The following SMC1B variants were observed in gnomAD, a reference collection of about 807,000 sequenced individuals.
The protein encoded by SMC1B is structural maintenance of chromosomes protein 1B.
A neutral mutation model predicts 157.9 loss-of-function variants in SMC1B; 60 were observed. The observed-to-expected ratio is 0.38, with a 90% confidence interval of 0.31 to 0.47. The LOEUF (loss-of-function observed/expected upper bound fraction) is 0.47, where lower values mean the gene tolerates loss of function less well. Among genes scored for constraint, SMC1B ranks in the 20% least tolerant of loss-of-function variants. The pLI, the probability that SMC1B is intolerant of heterozygous loss-of-function variation, is 0.99. For synonymous variants in SMC1B, 445 were observed against 483.0 expected, an observed-to-expected ratio of 0.92 and a Z score of 1.03; for missense variants, 1,165 against 1,426.2, an observed-to-expected ratio of 0.82 and a Z score of 2.95.
At chr22:45,388,662 A>G (rs1325180715) in intron 10 of SMC1B, among the ~76,000 whole-genome samples, 1 of 152,142 alleles carries the variant, frequency 6.6e-6, no homozygotes, top group East Asian at 1.9e-4. Flanking sequence ...ATTTCCACAC[A>G]TGGAAAACTG....
At chr22:45,367,267 A>C (rs2086785443) in intron 15 of SMC1B, among the ~76,000 whole-genome samples, 1 of 152,158 alleles carries the variant, frequency 6.6e-6, no homozygotes, top group South Asian at 2.1e-4. Context: ...AGAAATTTGC[A>C]ATATACCTGT....
chr22:45,374,294 C>A (rs1293487401), intron 12 of SMC1B, among the ~76,000 whole-genome samples: 3 of 151,190 alleles, frequency 2.0e-5, no homozygotes, highest in Admixed American at 6.6e-5. Context: ...GAAAAAAAAA[C>A]AAAAAACTTT....
Position 45,345,461 on chromosome 22 carries a change from C to T in SMC1B, c.3604G>A (p.Glu1202Lys). The T allele has an allele frequency of 1.2e-6, 2 of 1,607,110 alleles. No homozygotes were observed. The highest frequency in any genetic ancestry group is 1.7e-6 in the Non-Finnish European group (2 of 1,174,100). ...RADALIGIYP[E>K]YDDCMFSRVL... The stretch of plus-strand genomic sequence containing the variant: ...TCTCGCCTCTGATTTGTCTTTACCT[C>T]AGGATAGATGCCGATCAGCGCGTCG... The change falls in exon 24 of 25, where the codon GAG (glutamate) becomes AAG (lysine). Residue 1202 changes from glutamate (E) to lysine (K), a missense_variant and splice_region_variant. By Grantham distance (56) the Glu-to-Lys change is moderately conservative. Coordinates refer to ENST00000357450, the MANE Select transcript of SMC1B (RefSeq NM_148674.5).
chr22:45,371,054 C>G (rs2086826229), intron 14 of SMC1B, among the ~76,000 whole-genome samples: 1 of 152,014 alleles, frequency 6.6e-6, no homozygotes, highest in African/African-American at 2.4e-5. Context: ...TCTAGGTGAC[C>G]AAATTTTTAT....
chr22:45,388,743 G>A (rs933517659), intron 10 of SMC1B, among the ~76,000 whole-genome samples: 7 of 152,130 alleles, frequency 4.6e-5, no homozygotes, highest in East Asian at 1.9e-4. Flanking sequence ...TTGGGAGACC[G>A]AGGCAGGCGG....
intron 12 of SMC1B, among the ~76,000 whole-genome samples, chr22:45,378,241 A>G (rs1252039325): frequency 6.6e-6 from 1 of 152,130 alleles, no homozygotes; most frequent in Non-Finnish European, 1.5e-5. Flanking sequence ...TTGCTTCCTT[A>G]ATCCCAAAAC....
At chr22:45,345,058 A>G (rs1237366136) in intron 24 of SMC1B, among the ~76,000 whole-genome samples, 1 of 152,154 alleles carries the variant, frequency 6.6e-6, no homozygotes, top group East Asian at 1.9e-4. Flanking sequence ...TGGAACTTCT[A>G]ATGTATTTCT....
chr22:45,360,553 C>G (rs750625573), intron 17 of SMC1B, among the ~76,000 whole-genome samples: 2 of 151,996 alleles, frequency 1.3e-5, no homozygotes, highest in African/African-American at 2.4e-5. Flanking sequence ...GTGGCTCACG[C>G]CTGTAATCCA....
At chr22:45,362,690 G>C (rs779781930) in intron 16 of SMC1B, among the ~76,000 whole-genome samples, 195 bp downstream of exon 16, 21 of 152,182 alleles carry the variant, frequency 1.4e-4, no homozygotes, top group Non-Finnish European at 2.5e-4. Flanking sequence ...AGTCATCTGT[G>C]ACATCCCCTT....
At chr22:45,399,829 A>G (rs1054235239) in intron 5 of SMC1B, among the ~76,000 whole-genome samples, 2 of 152,216 alleles carry the variant, frequency 1.3e-5, no homozygotes, top group African/African-American at 4.8e-5. Flanking sequence ...TAAGTACTAT[A>G]CTGTAGTTAC....
intron 12 of SMC1B, among the ~76,000 whole-genome samples, chr22:45,379,723 C>CTTTTTTTTTTTTTT (rs136583): frequency 9.1e-4 from 83 of 91,446 alleles, no homozygotes; most frequent in East Asian, 1.4e-3. Context: ...TTTCTTTTTA[C>CTTTTTTTTTTTTTT]TTTTTTTTTT....
intron 5 of SMC1B, 144 bp from the exon 6 acceptor site, chr22:45,399,497 AG>A: frequency 1.4e-6 from 1 of 728,072 alleles, no homozygotes; most frequent in South Asian, 2.1e-5. Context: ...TGGTTGCCAA[AG>A]GTTGAGCAAG....
chr22:45,386,895 A>C lies in SMC1B; in HGVS notation c.1883T>G (p.Ile628Ser). Residue 628 changes from isoleucine (I) to serine (S), a missense_variant, in exon 11 of 25, where the codon ATT (isoleucine) becomes AGT (serine). Coordinates refer to ENST00000357450, the MANE Select transcript of SMC1B (RefSeq NM_148674.5). Reference sequence around the variant, plus strand: ...CTGTCTTTCAGGTCCACTGAGTGCAATATGCCTTGCTTCTTCCATAGTCTC... The same window carrying C: ...CTGTCTTTCAGGTCCACTGAGTGCACTATGCCTTGCTTCTTCCATAGTCTC... ...VCETMEEARH[I>S]ALSGPERQKT... 6.2e-7 allele frequency: 1 copy of C among 1,613,964 alleles called. No individual in the cohort carries two copies. The highest frequency in any genetic ancestry group is 2.2e-5 in the East Asian group (1 of 44,860).
intron 18 of SMC1B, 101 bp downstream of exon 18, chr22:45,359,704 C>T: frequency 7.7e-7 from 1 of 1,300,210 alleles, no homozygotes; most frequent in Non-Finnish European, 1.1e-6. Context: ...GATGTCTTCA[C>T]CACCCCTAAA....
intron 19 of SMC1B, 106 bp downstream of exon 19, chr22:45,358,591 T>C: frequency 1.5e-6 from 1 of 679,964 alleles, no homozygotes; most frequent in South Asian, 2.1e-5. Context: ...CATTAGGAAA[T>C]CTTTTAAAAA....
At chr22:45,405,857 T>A (rs536772795) in intron 4 of SMC1B, among the ~76,000 whole-genome samples, 1 of 152,306 alleles carries the variant, frequency 6.6e-6, no homozygotes, top group South Asian at 2.1e-4. Flanking sequence ...TTGCTAGGCC[T>A]TAGCATAAGT....
At position 45,406,788 on chromosome 22, in the gene SMC1B, T is replaced by C. The variant is rs752893827; in HGVS notation, c.376A>G (p.Ile126Val). 13 of 1,596,446 alleles carry C rather than the reference T, an allele frequency of 8.1e-6. No homozygotes were observed. The highest frequency in any genetic ancestry group is 5.5e-5 in the Admixed American group (3 of 54,272). ...AAACAATTTTGTGCTTTGACTATTA[T>C]GCCTATCTTTTCCAACTCTGCAATG... is the stretch of plus-strand genomic sequence containing the variant. The part of the protein sequence containing the change: ...VYIAELEKIG[I>V]IVKAQNCLVF... Residue 126 changes from isoleucine (I) to valine (V), a missense_variant, in exon 3 of 25, where the codon ATA becomes GTA. Ile to Val is a conservative substitution (Grantham distance 29, BLOSUM62 3). Coordinates refer to ENST00000357450, the MANE Select transcript of SMC1B (RefSeq NM_148674.5).
intron 17 of SMC1B, among the ~76,000 whole-genome samples, chr22:45,360,681 A>T (rs2086712996): frequency 6.6e-6 from 1 of 152,200 alleles, no homozygotes; most frequent in Non-Finnish European, 1.5e-5. Context: ...TTACACAAAA[A>T]ACAAGAGTTT....
chr22:45,392,544 T>C (rs1252513384), intron 9 of SMC1B, among the ~76,000 whole-genome samples: 1 of 151,758 alleles, frequency 6.6e-6, no homozygotes, highest in Non-Finnish European at 1.5e-5. Flanking sequence ...GGGATCTAGA[T>C]TTTGTGACCT....
Sources: gnomAD v4.1 joint callset for allele counts (sites outside exome capture counted in the v4.1 genomes callset) on GRCh38, gnomAD v4.1.1 for gene constraint, MANE v1.5 for transcripts, NCBI Gene and HGNC (gene_info 2026-07-23, HGNC 2026-07-21) for gene names.